The following AGBL4 variants were observed in gnomAD, a reference collection of about 807,000 sequenced individuals.
AGBL4 encodes the protein cytosolic carboxypeptidase 6.
Under a neutral mutation model 66.4 loss-of-function variants are expected in AGBL4, and 58 were observed. The ratio of observed to expected loss-of-function variants is 0.87; its 90% CI spans 0.71 to 1.09. AGBL4 has a LOEUF of 1.09. Among genes scored for constraint, AGBL4 ranks in the 50% least tolerant of loss-of-function variants. The probability of loss-of-function intolerance (pLI) is 0.00; values close to 1 mark genes in which losing one functional copy is unlikely to be tolerated. For synonymous variants in AGBL4, 234 were observed against 222.9 expected (o/e 1.05, Z -0.44); for missense variants, 579 against 631.0 (o/e 0.92, Z 0.88).
intron 3 of AGBL4, among the ~76,000 whole-genome samples, chr1:49,297,323 TG>T (rs998158925): frequency 1.3e-5 from 2 of 151,808 alleles, no homozygotes; most frequent in Non-Finnish European, 2.9e-5. Context: ...AAGCTAGGAG[TG>T]GTGAGAGGCC....
intron 5 of AGBL4, among the ~76,000 whole-genome samples, chr1:49,039,748 C>T (rs1436099202): frequency 1.3e-5 from 2 of 152,104 alleles, no homozygotes. Flanking sequence ...AGAAGAATAA[C>T]ATAAAAGCAA....
chr1:49,441,037 C>G (rs1225284332), intron 3 of AGBL4, among the ~76,000 whole-genome samples: 2 of 152,112 alleles, frequency 1.3e-5, no homozygotes, highest in African/African-American at 2.4e-5. Flanking sequence ...GATGGCCTCC[C>G]CTGAGGCAGT....
intron 3 of AGBL4, among the ~76,000 whole-genome samples, chr1:49,347,418 A>AT (rs1175500370): frequency 6.6e-6 from 1 of 151,488 alleles, no homozygotes; most frequent in African/African-American, 2.4e-5. Flanking sequence ...CGCCCAGCTA[A>AT]TTTTTTGTAT....
intron 5 of AGBL4, among the ~76,000 whole-genome samples, chr1:48,999,006 T>G (rs1314652938): frequency 6.6e-6 from 1 of 152,058 alleles, no homozygotes; most frequent in Non-Finnish European, 1.5e-5. Context: ...AGAGACAGAG[T>G]TTACTTCCAT....
intron 4 of AGBL4, among the ~76,000 whole-genome samples, chr1:49,103,811 T>C (rs1015737142): frequency 2.0e-5 from 3 of 152,212 alleles, no homozygotes; most frequent in Non-Finnish European, 2.9e-5. Flanking sequence ...TTGACTGATA[T>C]CCTTCTGACT....
intron 3 of AGBL4, among the ~76,000 whole-genome samples, chr1:49,509,633 A>C (rs2148779458): frequency 6.6e-6 from 1 of 152,094 alleles, no homozygotes; most frequent in South Asian, 2.1e-4. Flanking sequence ...GAGGTTTCTA[A>C]GCAGGAATAT....
At chr1:48,640,822 G>C (rs1645742668) in intron 8 of AGBL4, among the ~76,000 whole-genome samples, 1 of 152,186 alleles carries the variant, frequency 6.6e-6, no homozygotes, top group South Asian at 2.1e-4. Context: ...AATGGTTCCA[G>C]AGAATGTTAT....
intron 2 of AGBL4, among the ~76,000 whole-genome samples, chr1:49,743,380 C>G (rs375192234): frequency 3.3e-5 from 5 of 151,958 alleles, no homozygotes; most frequent in Admixed American, 2.0e-4. Context: ...TTAGAATGGC[C>G]ATCATTAAAA....
chr1:48,652,249 T>C (rs1215579022), intron 8 of AGBL4, among the ~76,000 whole-genome samples: 2 of 151,812 alleles, frequency 1.3e-5, no homozygotes, highest in Non-Finnish European at 2.9e-5. Flanking sequence ...ACCAGGCCTG[T>C]GAGAACTCAG....
intron 6 of AGBL4, among the ~76,000 whole-genome samples, chr1:48,722,807 C>A (rs1647173470): frequency 6.6e-6 from 1 of 152,150 alleles, no homozygotes; most frequent in African/African-American, 2.4e-5. Context: ...CTTCCTGGAG[C>A]ACCATGTCCA....
At chr1:49,232,459 G>T (rs1005548573) in intron 4 of AGBL4, among the ~76,000 whole-genome samples, 1 of 152,122 alleles carries the variant, frequency 6.6e-6, no homozygotes, top group African/African-American at 2.4e-5. Flanking sequence ...AGCACTTTGG[G>T]AGGCTGAGGT....
chr1:49,969,350 A>G (rs1340013947), intron 1 of AGBL4, among the ~76,000 whole-genome samples: 1 of 152,008 alleles, frequency 6.6e-6, no homozygotes, highest in African/African-American at 2.4e-5. Context: ...TTGTGTGTGT[A>G]TATGTGTGGT....
intron 1 of AGBL4, among the ~76,000 whole-genome samples, chr1:50,008,400 CT>C (rs1175771591): frequency 6.6e-6 from 1 of 152,106 alleles, no homozygotes; most frequent in Non-Finnish European, 1.5e-5. Context: ...AAATTAAACA[CT>C]GCTCCTAAAT....
chr1:48,935,707 CA>C (rs1655392362), intron 5 of AGBL4, among the ~76,000 whole-genome samples: 1 of 151,736 alleles, frequency 6.6e-6, no homozygotes, highest in African/African-American at 2.4e-5. Flanking sequence ...CCTGTAATCT[CA>C]GCACTTTGGG....
chr1:49,604,952 T>C (rs901686751), intron 3 of AGBL4, among the ~76,000 whole-genome samples: 12 of 152,202 alleles, frequency 7.9e-5, no homozygotes, highest in African/African-American at 2.9e-4. Flanking sequence ...TTATTATTAT[T>C]ATTACAGGAA....
At chr1:49,420,868 T>C (rs1339014583) in intron 3 of AGBL4, among the ~76,000 whole-genome samples, 3 of 152,150 alleles carry the variant, frequency 2.0e-5, no homozygotes, top group Admixed American at 2.0e-4. Flanking sequence ...CTGGGGATAA[T>C]GAGGTGCATA....
At chr1:48,910,764 G>C (rs574462936) in intron 5 of AGBL4, among the ~76,000 whole-genome samples, 1 of 152,090 alleles carries the variant, frequency 6.6e-6, no homozygotes, top group Non-Finnish European at 1.5e-5. Flanking sequence ...CGTAATTGCT[G>C]CTTGTCATTA....
intron 9 of AGBL4, among the ~76,000 whole-genome samples, chr1:48,633,319 C>T (rs1303413750): frequency 6.6e-6 from 1 of 152,152 alleles, no homozygotes; most frequent in East Asian, 1.9e-4. Context: ...CTCTTTAATT[C>T]AGGAAATTTT....
chr1:48,584,639 C>CT (rs1644790599), intron 11 of AGBL4: 5 of 152,500 alleles, frequency 3.3e-5, no homozygotes, highest in Admixed American at 3.3e-4. Context: ...TCGCTTGAAC[C>CT]CAGGAGGCAG....
Sources: allele counts gnomAD v4.1 joint callset (sites outside exome capture counted in the v4.1 genomes callset), GRCh38; gene constraint gnomAD v4.1.1; transcripts MANE v1.5; gene names NCBI Gene and HGNC (gene_info 2026-07-23, HGNC 2026-07-21).